The following SLC30A10 variants were observed in gnomAD, a reference collection of about 807,000 sequenced individuals.
The protein encoded by SLC30A10 is solute carrier family 30 member 10.
In SLC30A10, 8 loss-of-function variants were observed where a neutral mutation model predicts 21.7. The ratio of observed to expected loss-of-function variants is 0.37; its 90% confidence interval spans 0.22 to 0.67. SLC30A10 has a LOEUF of 0.67. SLC30A10 is among the 30% of genes least tolerant of loss of function. The probability of loss-of-function intolerance (pLI) is 0.58; values close to 1 mark genes in which losing one functional copy is unlikely to be tolerated. For synonymous variants in SLC30A10, 272 were observed against 279.4 expected (o/e 0.97, Z 0.26); for missense variants, 521 against 642.5 (o/e 0.81, Z 2.04).
intron 2 of SLC30A10, among the ~76,000 whole-genome samples, chr1:219,922,178 T>TGTG (rs1558252084): frequency 8.2e-5 from 3 of 36,690 alleles, no homozygotes; most frequent in African/African-American, 3.8e-4. Context: ...GTGTGTGTGT[T>TGTG]TTTTTTTTTT....
At chr1:219,928,962 G>A, upstream of SLC30A10, among the ~76,000 whole-genome samples, 1 of 152,240 alleles carries the variant, frequency 6.6e-6, no homozygotes, top group Non-Finnish European at 1.5e-5. The surrounding 1 kb of genome is among the most constrained non-coding windows in gnomAD (Gnocchi z 6.3). Context: ...ACACCTTCGC[G>A]TACGTGCCCA....
rs1553313718 is a variant in SLC30A10 at position 219,927,666 on chromosome 1, A to AAAC, written c.640+132_640+134dup. The AAAC allele has an allele frequency of 5.7e-3, 1,421 of 251,426 alleles. 17 individuals carry two copies. Among genetic ancestry groups the AAAC allele is most frequent in the Admixed American group, 0.012 (101 of 8,198 alleles). The allele number at this position is 251,426 out of a possible 1,614,324, so 15.6% of individuals were successfully genotyped here. A position where few individuals can be genotyped will look rare whatever the true frequency, so the allele number is the denominator to read the frequency against. On this transcript the variant is annotated intron_variant, in intron 1 of 3. Coordinates refer to ENST00000366926, the MANE Select transcript of SLC30A10 (RefSeq NM_018713.3). ...AAAAAAAAAAAAAAAAAAAAAAAAAAAACAACAACAACAAAAAAAAAAAAA... is the reference window on the plus strand; with the variant it reads ...AAAAAAAAAAAAAAAAAAAAAAAAAAAACAACAACAACAACAAAAAAAAAAAAA...
intron 1 of SLC30A10, among the ~76,000 whole-genome samples, chr1:219,956,862 T>A (rs1382355311): frequency 6.6e-6 from 1 of 152,160 alleles, no homozygotes; most frequent in Non-Finnish European, 1.5e-5. Flanking sequence ...AGTTTCATAC[T>A]GGTCAGAGTC....
rs1659603257 is a variant in SLC30A10 at position 219,918,581 on chromosome 1, A to G, written c.719-87T>C. The G allele has an allele frequency of 1.3e-6, 2 of 1,482,396 alleles. No homozygotes were observed. Among genetic ancestry groups the G allele is most frequent in the Admixed American group, 4.6e-5 (2 of 43,422 alleles). 91.8% of individuals were successfully genotyped at this position (1,482,396 alleles called of 1,614,324 possible). ...GACTTGGGTGTCCGGGTATATGAAT[A>G]TCTGTTACCATTTGGAGTTTTTTGG... On this transcript the variant is annotated intron_variant, in intron 2 of 3. Coordinates refer to ENST00000366926, the MANE Select transcript of SLC30A10 (RefSeq NM_018713.3). The surrounding 1 kb of genome is among the most constrained non-coding windows in gnomAD (Gnocchi z 4.4).
rs554612810 is a variant in SLC30A10, at chr1:219,955,265, T to C, written n.80+3303A>G. Among the ~76,000 whole-genome samples, 7 of 152,328 alleles carry C rather than the reference T, an allele frequency of 4.6e-5. No homozygotes were observed. The East Asian group carries it at 5.8e-4, about 13-fold the overall frequency. On this transcript the variant is annotated intron_variant and non_coding_transcript_variant, in intron 1 of 8. Transcript: ENST00000484239. Reference sequence around the variant, plus strand: ...TGGACTTTAACCCTATTTTGTTTGTTTGTCTTTTACTTAATGCTCGTATTT... The same window carrying C: ...TGGACTTTAACCCTATTTTGTTTGTCTGTCTTTTACTTAATGCTCGTATTT...
chr1:219,937,461 T>C (rs1043914423), intron 1 of SLC30A10, among the ~76,000 whole-genome samples: 1 of 152,242 alleles, frequency 6.6e-6, no homozygotes, highest in East Asian at 1.9e-4. Flanking sequence ...AGTGTGTATA[T>C]TATGCTGCAT....
chr1:219,915,207 G>T lies in SLC30A10; in HGVS notation c.*242C>A. 1 of 534,260 alleles carries T rather than the reference G, an allele frequency of 1.9e-6. No individual in the cohort carries two copies. Among genetic ancestry groups the T allele is most frequent in the South Asian group, 2.2e-5 (1 of 45,292 alleles). The allele number at this position is 534,260 out of a possible 1,614,324, so 33.1% of individuals were successfully genotyped here. Reference sequence around the variant, plus strand: ...ACTAGTGCAGTTTGCTTTAGAAAATGCATGTTCAAGCTGAAACAGTCAAAG... The same window carrying T: ...ACTAGTGCAGTTTGCTTTAGAAAATTCATGTTCAAGCTGAAACAGTCAAAG... On this transcript the variant is annotated 3_prime_UTR_variant, in exon 4 of 4. Transcript: ENST00000366926.
rs747342184 is a variant in SLC30A10 at position 219,913,603 on chromosome 1, T to C, written c.*1846A>G. 8 of 152,226 alleles carry C rather than the reference T, an allele frequency of 5.3e-5. No individual in the cohort carries two copies. The highest frequency in any genetic ancestry group is 1.0e-4 in the Non-Finnish European group (7 of 68,042). The allele number at this position is 152,226 out of a possible 1,614,324, so 9.4% of individuals were successfully genotyped here. A position where few individuals can be genotyped will look rare whatever the true frequency, so the allele number is the denominator to read the frequency against. On this transcript the variant is annotated 3_prime_UTR_variant, in exon 4 of 4. Coordinates refer to ENST00000366926, the MANE Select transcript of SLC30A10 (RefSeq NM_018713.3). ...AGTTTCTTAAGAGGATGCACTGTTT[T>C]GTGTGAGTACATGCCACACTTTTAA...
intron 1 of SLC30A10, among the ~76,000 whole-genome samples, chr1:219,940,918 C>T (rs1242776786): frequency 1.3e-5 from 2 of 152,236 alleles, no homozygotes; most frequent in East Asian, 1.9e-4. Flanking sequence ...TTGGCAGACC[C>T]ATAAAACCCT....
chr1:219,938,135 C>G (rs1468070583), intron 1 of SLC30A10, among the ~76,000 whole-genome samples: 2 of 152,118 alleles, frequency 1.3e-5, no homozygotes. Context: ...TATCATGCAT[C>G]TTTGAGTGGG....
chr1:219,926,010 AT>A (rs1015218766), intron 2 of SLC30A10, among the ~76,000 whole-genome samples: 100 of 151,228 alleles, frequency 6.6e-4, no homozygotes, highest in Middle Eastern at 3.4e-3. Flanking sequence ...ATAAAGGATG[AT>A]TTTTTTTTCA....
At chr1:219,955,244 C>G (rs1660330748) in intron 1 of SLC30A10, among the ~76,000 whole-genome samples, 1 of 152,140 alleles carries the variant, frequency 6.6e-6, no homozygotes, top group South Asian at 2.1e-4. Flanking sequence ...CCATTGTGGA[C>G]TTTAACCCTA....
intron 1 of SLC30A10, among the ~76,000 whole-genome samples, chr1:219,949,033 G>A (rs1660231396): frequency 6.6e-6 from 1 of 151,060 alleles, no homozygotes; most frequent in Admixed American, 6.6e-5. Flanking sequence ...GGCCATCAGA[G>A]AAATGCAAAT....
chr1:219,941,688 TTC>T (rs148839566), intron 1 of SLC30A10, among the ~76,000 whole-genome samples: 34 of 133,768 alleles, frequency 2.5e-4, no homozygotes, highest in Middle Eastern at 3.8e-3. Flanking sequence ...CTTTCTCCCT[TTC>T]TCTCTCTCTC....
chr1:219,936,271 G>A (rs1429688804), intron 1 of SLC30A10, among the ~76,000 whole-genome samples: 3 of 152,144 alleles, frequency 2.0e-5, no homozygotes, highest in Non-Finnish European at 4.4e-5. Flanking sequence ...TATCAAATAA[G>A]ATAATGAAGG....
intron 1 of SLC30A10, among the ~76,000 whole-genome samples, chr1:219,935,128 A>G (rs923027353): frequency 6.6e-6 from 1 of 152,218 alleles, no homozygotes; most frequent in Non-Finnish European, 1.5e-5. Flanking sequence ...ACTATTTCCA[A>G]TTCAAATGGA....
intron 1 of SLC30A10, among the ~76,000 whole-genome samples, chr1:219,946,743 G>T (rs1049007239): frequency 2.6e-5 from 4 of 152,034 alleles, no homozygotes; most frequent in African/African-American, 9.7e-5. Flanking sequence ...TGCTCTGCTT[G>T]TAAGAGGATA....
chr1:219,953,695 T>C (rs1230953502), intron 1 of SLC30A10, among the ~76,000 whole-genome samples: 1 of 149,950 alleles, frequency 6.7e-6, no homozygotes, highest in Non-Finnish European at 1.5e-5. Flanking sequence ...TTTTATTTTA[T>C]TTTATTTTAT....
At position 219,911,161 on chromosome 1, in the gene SLC30A10, T is replaced by TTTTTTG. The variant is rs1659406664; in HGVS notation, c.*4287_*4288insCAAAAA. 6.9e-6 allele frequency among the ~76,000 whole-genome samples: 1 copy of TTTTTTG among 144,086 alleles called. No individual in the cohort carries two copies. The highest frequency in any genetic ancestry group is 2.5e-5 in the African/African-American group (1 of 39,876). 94.5% of individuals were successfully genotyped at this position (144,086 alleles called of 152,430 possible). On this transcript the variant is annotated 3_prime_UTR_variant, in exon 4 of 4. Transcript: ENST00000366926. ...TTTTTCTACATCAGTTTTTTTTTTT[T>TTTTTTG]TTTTTTTTTTTTTGCAGTCTTTTAC... is the stretch of plus-strand genomic sequence containing the variant.
Sources: allele counts gnomAD v4.1 joint callset (sites outside exome capture counted in the v4.1 genomes callset), GRCh38; gene constraint gnomAD v4.1.1; non-coding constraint Gnocchi (gnomAD v3.1); transcripts MANE v1.5; gene names NCBI Gene and HGNC (gene_info 2026-07-23, HGNC 2026-07-21).